Variants in ZFAT observed in about 807,000 individuals in gnomAD.
ZFAT encodes zinc finger protein ZFAT.
Under a neutral mutation model 117.7 loss-of-function variants are expected in ZFAT, and 64 were observed. The observed-to-expected ratio is 0.54, with a 90% CI of 0.44 to 0.67. The LOEUF is 0.67. Among genes scored for constraint, ZFAT ranks in the 30% least tolerant of loss-of-function variants. ZFAT has a pLI of 0.00. For synonymous variants in ZFAT, 679 were observed against 615.0 expected, an observed-to-expected ratio of 1.10 and a Z score of -1.54; for missense variants, 1,433 against 1,584.5, an observed-to-expected ratio of 0.90 and a Z score of 1.62.
chr8:134,509,889 A>G (rs549653075), intron 14 of ZFAT, 140 bp from the exon 15 acceptor site: 8 of 1,117,246 alleles, frequency 7.2e-6, no homozygotes, highest in South Asian at 3.0e-5. Context: ...TCAGTTTGAC[A>G]ACAGAAATAA....
chr8:134,667,348 C>T (rs1832279320), intron 1 of ZFAT, among the ~76,000 whole-genome samples: 1 of 151,894 alleles, frequency 6.6e-6, no homozygotes, highest in Non-Finnish European at 1.5e-5. Context: ...GAAAAATTAG[C>T]CGGGCGTGGT....
At chr8:134,818,474 A>G in the ZFAT span, among the ~76,000 whole-genome samples, 1 of 152,238 alleles carries the variant, frequency 6.6e-6, no homozygotes, top group Non-Finnish European at 1.5e-5. Context: ...AAATGATAGC[A>G]TAATGCTGGT....
At chr8:134,632,208 T>C (rs1829936730) in intron 3 of ZFAT, among the ~76,000 whole-genome samples, 1 of 152,214 alleles carries the variant, frequency 6.6e-6, no homozygotes, top group South Asian at 2.1e-4. Flanking sequence ...ATCTTTATGA[T>C]GATCCACTTC....
the ZFAT span, chr8:134,797,846 C>T: frequency 1.3e-5 from 2 of 151,358 alleles, no homozygotes; most frequent in East Asian, 3.9e-4. Flanking sequence ...ATAAAAATAC[C>T]TTTACATTTT....
At chr8:134,556,825 T>C (rs1302994953) in intron 11 of ZFAT, among the ~76,000 whole-genome samples, 2 of 152,074 alleles carry the variant, frequency 1.3e-5, no homozygotes, top group African/African-American at 2.4e-5. Context: ...ATGTATCAAA[T>C]AGAAGCCCAG....
intron 10 of ZFAT, among the ~76,000 whole-genome samples, chr8:134,583,168 G>A (rs1825825991): frequency 6.6e-6 from 1 of 151,888 alleles, no homozygotes; most frequent in Non-Finnish European, 1.5e-5. Context: ...CTCCATCACT[G>A]CACTTACCTT....
chr8:134,658,524 TA>T (rs1370438108), intron 1 of ZFAT, among the ~76,000 whole-genome samples: 1 of 152,124 alleles, frequency 6.6e-6, no homozygotes, highest in African/African-American at 2.4e-5. Context: ...GTTGCCTTTT[TA>T]AAGCCACTGA....
chr8:134,705,377 G>GTTTT lies in ZFAT; in HGVS notation c.19+7464_19+7467dup, dbSNP rs61505145. The stretch of plus-strand genomic sequence containing the variant: ...CACCATGCCCAGCTGGTTTTTTTTT[G>GTTTT]TTTTTTTTTTTTTGTAGAGCTGGGA... On this transcript the variant is annotated intron_variant, in intron 1 of 15. Coordinates refer to ENST00000377838, the MANE Select transcript of ZFAT (RefSeq NM_020863.4). Among the ~76,000 whole-genome samples, 64 of 137,382 alleles carry GTTTT rather than the reference G, an allele frequency of 4.7e-4. 1 individual carries two copies. Among genetic ancestry groups the GTTTT allele is most frequent in the South Asian group, 1.1e-3 (5 of 4,384 alleles). 90.1% of individuals were successfully genotyped at this position (137,382 alleles called of 152,430 possible). A position where few individuals can be genotyped will look rare whatever the true frequency, so the allele number is the denominator to read the frequency against.
At chr8:134,577,840 AC>A (rs1349874309) in intron 10 of ZFAT, among the ~76,000 whole-genome samples, 11 of 152,188 alleles carry the variant, frequency 7.2e-5, no homozygotes, top group African/African-American at 2.7e-4. Flanking sequence ...AGTAACAGAG[AC>A]AAAAAAGTAG....
intron 11 of ZFAT, among the ~76,000 whole-genome samples, chr8:134,554,026 A>G (rs916852719): frequency 6.6e-6 from 1 of 152,124 alleles, no homozygotes; most frequent in African/African-American, 2.4e-5. Flanking sequence ...TTCCTGAACT[A>G]CCCACGGGGA....
At chr8:134,739,814 C>T in the ZFAT span, among the ~76,000 whole-genome samples, 4 of 152,284 alleles carry the variant, frequency 2.6e-5, no homozygotes, top group South Asian at 2.1e-4. Context: ...ACCATTTCAA[C>T]GGAAGGTACC....
chr8:134,501,971 TA>T (rs1349806097), intron 15 of ZFAT, among the ~76,000 whole-genome samples: 3 of 152,248 alleles, frequency 2.0e-5, no homozygotes, highest in Non-Finnish European at 4.4e-5. Context: ...CCACAATCTG[TA>T]AAGAGTTAGA....
chr8:134,796,590 A>C, the ZFAT span: 1 of 152,204 alleles, frequency 6.6e-6, no homozygotes, highest in African/African-American at 2.4e-5. Flanking sequence ...GGAATAAGAA[A>C]GGACATCTGC....
chr8:134,608,303 A>G (rs1351463987), intron 5 of ZFAT, among the ~76,000 whole-genome samples: 1 of 152,230 alleles, frequency 6.6e-6, no homozygotes, highest in African/African-American at 2.4e-5. Context: ...ATGCCACATC[A>G]TATGGGACAT....
chr8:134,712,670 C>G (rs1300443338), intron 1 of ZFAT, among the ~76,000 whole-genome samples, 175 bp downstream of exon 1: 2 of 146,890 alleles, frequency 1.4e-5, no homozygotes, highest in African/African-American at 5.1e-5. Flanking sequence ...TGAACGTGAG[C>G]CGCAGAACGC....
At chr8:134,619,274 TA>T (rs1211245100) in intron 3 of ZFAT, among the ~76,000 whole-genome samples, 4 of 151,902 alleles carry the variant, frequency 2.6e-5, no homozygotes, top group Admixed American at 2.0e-4. Flanking sequence ...TTTATAGTAA[TA>T]AAAAATAGAA....
intron 10 of ZFAT, among the ~76,000 whole-genome samples, chr8:134,577,370 T>G (rs1442455): frequency 0.34 from 52,206 of 152,134 alleles, 9,600 homozygotes; most frequent in Middle Eastern, 0.41. Flanking sequence ...TCACAAGTAG[T>G]TAGAAGAAAG....
chr8:134,492,397 G>A lies in ZFAT; in HGVS notation c.3493-13676C>T, dbSNP rs139193665. Among the ~76,000 whole-genome samples, 562 of 152,228 alleles carry A rather than the reference G, an allele frequency of 3.7e-3. 9 individuals carry two copies. The highest frequency in any genetic ancestry group is 0.013 in the African/African-American group (528 of 41,520). On this transcript the variant is annotated intron_variant, in intron 15 of 15. Transcript: ENST00000377838. ...TATGGTCCCTTCCACTCAGAAATTC[G>A]TAGACTCCATGTTATGGTAAGAATT...
chr8:134,733,818 A>T, the ZFAT span, among the ~76,000 whole-genome samples: 1 of 152,214 alleles, frequency 6.6e-6, no homozygotes, highest in African/African-American at 2.4e-5. Flanking sequence ...TGCATGGAAC[A>T]TTCCTTTCCC....
Sources: allele counts gnomAD v4.1 joint callset (sites outside exome capture counted in the v4.1 genomes callset), GRCh38; gene constraint gnomAD v4.1.1; transcripts MANE v1.5; gene names NCBI Gene and HGNC (gene_info 2026-07-23, HGNC 2026-07-21).